The following DST variants were observed in gnomAD, a reference collection of about 807,000 sequenced individuals.
The protein encoded by DST is dystonin.
Under a neutral mutation model 875.2 loss-of-function variants are expected in DST, and 253 were observed. That is an observed-to-expected ratio of 0.29 (90% CI 0.26 to 0.32). The LOEUF (loss-of-function observed/expected upper bound fraction) is 0.32, where lower values mean the gene tolerates loss of function less well. DST is among the 10% of genes least tolerant of loss of function. The pLI, the probability that DST is intolerant of heterozygous loss-of-function variation, is 1.00. For synonymous variants in DST, 3,124 were observed against 3,197.1 expected, an observed-to-expected ratio of 0.98 and a Z score of 0.77; for missense variants, 8,287 against 9,111.6, an observed-to-expected ratio of 0.91 and a Z score of 3.68.
chr6:56,906,371 A>G (rs115502211), intron 2 of DST, among the ~76,000 whole-genome samples: 1,845 of 152,310 alleles, frequency 0.012, 33 homozygotes, highest in East Asian at 0.039. Flanking sequence ...GCAGACATAG[A>G]CAAGCAAGCT....
intron 4 of DST, among the ~76,000 whole-genome samples, chr6:56,785,239 T>C (rs1275276186): frequency 6.6e-6 from 1 of 152,232 alleles, no homozygotes; most frequent in Non-Finnish European, 1.5e-5. Context: ...ACTGCTCTCC[T>C]CAAAGCTGTC....
At chr6:56,669,008 T>C (rs2099085959) in intron 10 of DST, among the ~76,000 whole-genome samples, 1 of 152,042 alleles carries the variant, frequency 6.6e-6, no homozygotes, top group South Asian at 2.1e-4. Flanking sequence ...CAGTATAAAC[T>C]TGGTAAACCT....
intron 10 of DST, among the ~76,000 whole-genome samples, chr6:56,656,785 A>T (rs943324487): frequency 6.6e-6 from 1 of 152,198 alleles, no homozygotes; most frequent in African/African-American, 2.4e-5. Context: ...TACAGAACAA[A>T]TTATACTTCT....
intron 2 of DST, among the ~76,000 whole-genome samples, chr6:56,950,392 C>A (rs1251126272): frequency 1.3e-5 from 2 of 152,150 alleles, no homozygotes; most frequent in Non-Finnish European, 2.9e-5. Flanking sequence ...TCCCAAGACC[C>A]TTTCTTATAA....
At chr6:56,917,804 TG>T (rs796253673) in intron 2 of DST, among the ~76,000 whole-genome samples, 14 of 152,348 alleles carry the variant, frequency 9.2e-5, no homozygotes, top group African/African-American at 3.4e-4. Context: ...TACTTATGTT[TG>T]GGCACAAAAT....
chr6:56,748,533 G>A (rs2099578822), intron 4 of DST, among the ~76,000 whole-genome samples: 1 of 152,078 alleles, frequency 6.6e-6, no homozygotes, highest in African/African-American at 2.4e-5. Flanking sequence ...TATGTAGTAG[G>A]CTCTCAAGAA....
intron 2 of DST, among the ~76,000 whole-genome samples, chr6:56,945,256 GCAGAGAGACTTGTC>G (rs1213298368): frequency 1.3e-5 from 2 of 152,192 alleles, no homozygotes; most frequent in African/African-American, 4.8e-5. Context: ...GGAAGGGGAT[GCAGAGAGACTTGTC>G]CAGAGGCTTA....
chr6:56,920,849 C>G (rs763962888), intron 2 of DST, among the ~76,000 whole-genome samples: 43 of 148,964 alleles, frequency 2.9e-4, no homozygotes, highest in Admixed American at 4.0e-4. Flanking sequence ...CTGCCTCAGC[C>G]TCCGGAGTAG....
At position 56,608,232 on chromosome 6, in the gene DST, G is replaced by A. The variant is rs541593062; in HGVS notation, c.6396C>T (p.Asn2132=). 6.2e-7 allele frequency: 1 copy of A among 1,613,648 alleles called. No individual in the cohort carries two copies. The highest frequency in any genetic ancestry group is 1.3e-5 in the African/African-American group (1 of 74,998). Residue 2132 remains asparagine (N), a synonymous_variant, in exon 40 of 104, where the codon AAC becomes AAT. Coordinates refer to ENST00000680361, the MANE Select transcript of DST (RefSeq NM_001374736.1). ...TATTTTTTAAAATTGATGCTGTGTT[G>A]TTGTCTATAATTCCTAGCTGTTTAG... The part of the protein sequence containing the change: ...DAAKQLGIID[N]NTASILKNIT...
intron 3 of DST, among the ~76,000 whole-genome samples, chr6:56,874,252 T>A (rs1778685612): frequency 6.6e-6 from 1 of 152,260 alleles, no homozygotes. Context: ...GGTGAGAGGA[T>A]CACTTGAGCC....
intron 49 of DST, among the ~76,000 whole-genome samples, chr6:56,582,689 C>T (rs1294619548): frequency 6.6e-6 from 1 of 151,748 alleles, no homozygotes; most frequent in African/African-American, 2.4e-5. Context: ...TGGTGTGCTG[C>T]ACCCATTAAC....
intron 90 of DST, among the ~76,000 whole-genome samples, chr6:56,479,629 A>G (rs1049072922): frequency 1.3e-5 from 2 of 152,252 alleles, no homozygotes; most frequent in Admixed American, 1.3e-4. Flanking sequence ...CTTTGCAGCA[A>G]CATGCATAGA....
rs777351615 is a variant in DST at position 56,572,305 on chromosome 6, C to T, written c.13555-39G>A. The T allele has an allele frequency of 2.1e-6, 3 of 1,418,572 alleles. No individual in the cohort carries two copies. In the African/African-American group the frequency reaches 4.3e-5, roughly 20 times the overall value. The allele number at this position is 1,418,572 out of a possible 1,614,324, so 87.9% of individuals were successfully genotyped here. On this transcript the variant is annotated intron_variant, in intron 52 of 103. Transcript: ENST00000680361. ...AGATATTCAGTCAATATAAATGTTG[C>T]TAGATCTTCAAATGGCATTCCATCC...
At chr6:56,620,404 A>G (rs1168585655) in intron 36 of DST, 1 of 1,614,064 alleles carries the variant, frequency 6.2e-7, no homozygotes, top group East Asian at 2.2e-5. Context: ...GTTCTCTTTC[A>G]GCGGCTTCCT....
At chr6:56,511,553 G>T (rs1361951692) in intron 72 of DST, among the ~76,000 whole-genome samples, 153 bp from the exon 73 acceptor site, 3 of 151,994 alleles carry the variant, frequency 2.0e-5, no homozygotes, top group African/African-American at 7.3e-5. Flanking sequence ...ACAGCTCTTT[G>T]CCAGGAAGAG....
chr6:56,908,436 G>T (rs1797404073), intron 2 of DST, among the ~76,000 whole-genome samples: 1 of 152,060 alleles, frequency 6.6e-6, no homozygotes, highest in South Asian at 2.1e-4. Context: ...CCATAAACCT[G>T]GTATCATCAA....
Position 56,603,953 on chromosome 6 carries a change from C to G in DST, c.10675G>C (p.Ala3559Pro). ...TTCTCATCTCTTGGCAATGTTGATG[C>G]CCACACAGTAGAGCTTTCTAGTCCA... ...EIGLESSTVW[A>P]STLPRDEKLK... The change falls in exon 40 of 104, where the codon GCA (alanine) becomes CCA (proline). Residue 3559 changes from alanine to proline, a missense_variant. By Grantham distance (27) the Ala-to-Pro change is conservative (BLOSUM62 -1). Transcript: ENST00000680361. 2 of 1,611,184 alleles carry G rather than the reference C, an allele frequency of 1.2e-6. No homozygotes were observed. The highest frequency in any genetic ancestry group is 1.7e-6 in the Non-Finnish European group (2 of 1,178,454).
chr6:56,602,930 C>A lies in DST; in HGVS notation c.11259G>T (p.Val3753=). 6.3e-7 allele frequency: 1 copy of A among 1,579,928 alleles called. No individual in the cohort carries two copies. The highest frequency in any genetic ancestry group is 8.5e-7 in the Non-Finnish European group (1 of 1,169,646). Residue 3753 remains valine (V), a synonymous_variant, in exon 43 of 104, where the codon GTG becomes GTT. Coordinates refer to ENST00000680361, the MANE Select transcript of DST (RefSeq NM_001374736.1). ...KSKSVKDIEI[V]NVQDSEYVKK... ...TTACATACTCAGAATCTTGAACATT[C>A]ACAATCTCAATATCCTTCACAGATT...
intron 61 of DST, chr6:56,541,012 A>G (rs746724733): frequency 1.3e-5 from 2 of 152,666 alleles, no homozygotes. Context: ...TACATAAACC[A>G]GAGTCATCCT....
Sources: gnomAD v4.1 joint callset for allele counts (sites outside exome capture counted in the v4.1 genomes callset) on GRCh38, gnomAD v4.1.1 for gene constraint, MANE v1.5 for transcripts, NCBI Gene and HGNC (gene_info 2026-07-23, HGNC 2026-07-21) for gene names.